PGR: variants seen among roughly 807,000 people sequenced by gnomAD.
PGR encodes the protein nuclear receptor subfamily 3 group C member 3.
Under a neutral mutation model 76.1 loss-of-function variants are expected in PGR, and 25 were observed. That is an observed-to-expected ratio of 0.33 (90% CI 0.24 to 0.46). The LOEUF is 0.46. Ranked by LOEUF, PGR falls within the 20% of genes least tolerant of loss-of-function variation. PGR has a pLI of 1.00. For missense variants in PGR, 1,172 were observed against 1,225.3 expected, an observed-to-expected ratio of 0.96 and a Z score of 0.65; for synonymous variants, 579 against 535.0, an observed-to-expected ratio of 1.08 and a Z score of -1.14.
intron 2 of PGR, among the ~76,000 whole-genome samples, chr11:101,123,396 T>C (rs1591434764): frequency 6.6e-6 from 1 of 152,202 alleles, no homozygotes; most frequent in Non-Finnish European, 1.5e-5. Context: ...CATTGCTTTA[T>C]TGAAGATTTT....
intron 2 of PGR, among the ~76,000 whole-genome samples, chr11:101,116,630 T>G (rs918866572): frequency 2.7e-5 from 4 of 150,528 alleles, no homozygotes; most frequent in African/African-American, 9.8e-5. Context: ...ATCCCAGCTA[T>G]TCGGGAGGCT....
intron 6 of PGR, among the ~76,000 whole-genome samples, chr11:101,046,292 A>ATTTTTT (rs540943297): frequency 1.8e-4 from 12 of 66,288 alleles, no homozygotes; most frequent in African/African-American, 7.5e-4. Flanking sequence ...CGCCTGGCTA[A>ATTTTTT]TTTTTTTTTT....
intron 4 of PGR, among the ~76,000 whole-genome samples, chr11:101,057,728 G>T (rs949948308): frequency 6.6e-6 from 1 of 152,078 alleles, no homozygotes; most frequent in South Asian, 2.1e-4. Flanking sequence ...ATTGGGTAAG[G>T]GGTGAAGGAG....
intron 3 of PGR, among the ~76,000 whole-genome samples, chr11:101,075,892 T>C (rs559766034): frequency 8.5e-5 from 13 of 152,306 alleles, no homozygotes; most frequent in East Asian, 1.9e-4. Context: ...AGTTCAACCA[T>C]TGTAGAAGAC....
Position 101,098,341 on chromosome 11 carries a change from T to C in PGR, c.1790-6465A>G, listed in dbSNP as rs562048591. On this transcript the variant is annotated intron_variant, in intron 2 of 7. Transcript: ENST00000325455. ...CATAGTTCACTTAGGTCTGAGAGAG[T>C]TCACAATTTTTCATGGCATTTTTGA... 2.6e-4 allele frequency among the ~76,000 whole-genome samples: 39 copies of C among 151,918 alleles called. 1 individual carries two copies. In the South Asian group the frequency reaches 5.2e-3, roughly 20 times the overall value.
At chr11:101,108,983 T>C (rs1379847718) in intron 2 of PGR, among the ~76,000 whole-genome samples, 1 of 152,220 alleles carries the variant, frequency 6.6e-6, no homozygotes, top group Non-Finnish European at 1.5e-5. Context: ...TTCATTATCA[T>C]CTCTGCTATG....
intron 6 of PGR, among the ~76,000 whole-genome samples, chr11:101,042,819 C>G (rs1179999883): frequency 6.6e-6 from 1 of 152,122 alleles, no homozygotes; most frequent in African/African-American, 2.4e-5. Flanking sequence ...TTACACTATA[C>G]TAGAATGTAT....
chr11:101,082,932 A>C (rs1861358531), intron 3 of PGR, among the ~76,000 whole-genome samples: 1 of 152,234 alleles, frequency 6.6e-6, no homozygotes, highest in Admixed American at 6.5e-5. Flanking sequence ...AGTAAAGAGG[A>C]GTCAAATGTT....
intron 6 of PGR, among the ~76,000 whole-genome samples, chr11:101,045,508 T>C (rs541513524): frequency 1.3e-5 from 2 of 152,170 alleles, no homozygotes; most frequent in South Asian, 2.1e-4. Context: ...TCTATGCCCA[T>C]GTACATGCAT....
In PGR at chr11:101,031,553, G is replaced by T; in HGVS notation, c.*7563C>A. The stretch of plus-strand genomic sequence containing the variant: ...CCCTCCTCAGCTCCAAGGCTGTGGA[G>T]GGCTCATGAAGTCACAATGTTCTAC... On this transcript the variant is annotated 3_prime_UTR_variant, in exon 8 of 8. Coordinates refer to ENST00000325455, the MANE Select transcript of PGR (RefSeq NM_000926.4). The T allele has an allele frequency of 4.4e-6, 1 of 226,814 alleles. No individual in the cohort carries two copies. The highest frequency in any genetic ancestry group is 8.8e-6 in the Non-Finnish European group (1 of 114,178). 14.1% of individuals were successfully genotyped at this position (226,814 alleles called of 1,614,324 possible).
chr11:101,081,870 G>T (rs775769581), intron 3 of PGR, among the ~76,000 whole-genome samples: 4 of 152,140 alleles, frequency 2.6e-5, no homozygotes, highest in Non-Finnish European at 5.9e-5. Context: ...AAAGCAAACA[G>T]CTAACAACTA....
chr11:101,039,352 TCTAA>T (rs1175371832), intron 7 of PGR, 81 bp from the exon 8 acceptor site: 7 of 1,039,936 alleles, frequency 6.7e-6, no homozygotes, highest in African/African-American at 4.8e-5. Flanking sequence ...AATTTATTTT[TCTAA>T]CTATTTATAA....
chr11:101,123,228 T>C (rs1862733760), intron 2 of PGR, among the ~76,000 whole-genome samples: 1 of 152,210 alleles, frequency 6.6e-6, no homozygotes, highest in Non-Finnish European at 1.5e-5. Context: ...TGCAAAGCAC[T>C]GAAATAGTCA....
At chr11:101,078,314 A>C (rs908422075) in intron 3 of PGR, among the ~76,000 whole-genome samples, 12 of 152,192 alleles carry the variant, frequency 7.9e-5, no homozygotes, top group African/African-American at 2.9e-4. Context: ...AAAACCTGTA[A>C]CTGTGGATTT....
At chr11:101,112,523 G>T (rs188867646) in intron 2 of PGR, among the ~76,000 whole-genome samples, 1 of 152,108 alleles carries the variant, frequency 6.6e-6, no homozygotes, top group Non-Finnish European at 1.5e-5. Flanking sequence ...GATGGTGGTA[G>T]CAATTTCAGA....
chr11:101,129,165 G>T lies in PGR; in HGVS notation c.-95C>A. On this transcript the variant is annotated 5_prime_UTR_variant, in exon 1 of 8. Coordinates refer to ENST00000325455, the MANE Select transcript of PGR (RefSeq NM_000926.4). ...CGGGAATATAGGGGCAGAGGGAGGAGAAAGTGGGTGTTGAATGTGGCTGGA... is the reference window on the plus strand; with the variant it reads ...CGGGAATATAGGGGCAGAGGGAGGATAAAGTGGGTGTTGAATGTGGCTGGA... 1 of 879,848 alleles carries T rather than the reference G, an allele frequency of 1.1e-6. No homozygotes were observed. The highest frequency in any genetic ancestry group is 1.5e-6 in the Non-Finnish European group (1 of 652,878). The allele number at this position is 879,848 out of a possible 1,614,324, so 54.5% of individuals were successfully genotyped here.
In PGR at chr11:101,127,966, G is replaced by T. The variant is rs1862931453; in HGVS notation, c.1105C>A (p.Pro369Thr). 2 of 1,611,930 alleles carry T rather than the reference G, an allele frequency of 1.2e-6. No homozygotes were observed. The highest frequency in any genetic ancestry group is 1.1e-5 in the South Asian group (1 of 91,078). Residue 369 changes from proline (P) to threonine (T), a missense_variant, in exon 1 of 8, where the codon CCC becomes ACC. By Grantham distance (38) the Pro-to-Thr change is conservative. This residue lies in a region of PGR where 893 missense variants were observed against 785.9 expected (regional missense o/e 1.14). Coordinates refer to ENST00000325455, the MANE Select transcript of PGR (RefSeq NM_000926.4). ...TAGAGAGGGTACGCGTCGTCCTTGG[G>T]CTCGGCGTCGGGCGGGTACGCGCAG... ...PDCAYPPDAE[P>T]KDDAYPLYSD...
Position 101,042,241 on chromosome 11 carries a change from T to C in PGR, c.2489-139A>G, listed in dbSNP as rs1859716485. The C allele has an allele frequency of 1.5e-5, 11 of 755,898 alleles. No individual in the cohort carries two copies. The South Asian group carries it at 1.7e-4, about 12-fold the overall frequency. The allele number at this position is 755,898 out of a possible 1,614,324, so 46.8% of individuals were successfully genotyped here. The stretch of plus-strand genomic sequence containing the variant: ...AAAAACACCTTATATAGGAAAGAGA[T>C]AGTGTTATTGATATCACTATCAATA... On this transcript the variant is annotated intron_variant, in intron 6 of 7. Coordinates refer to ENST00000325455, the MANE Select transcript of PGR (RefSeq NM_000926.4).
intron 2 of PGR, among the ~76,000 whole-genome samples, chr11:101,123,736 C>A (rs191283063): frequency 1.3e-5 from 2 of 152,256 alleles, no homozygotes; most frequent in East Asian, 3.9e-4. Flanking sequence ...AACCCATAAC[C>A]ACCTCGCTCT....
Sources: gnomAD v4.1 joint callset for allele counts (sites outside exome capture counted in the v4.1 genomes callset) on GRCh38, gnomAD v4.1.1 for gene constraint, gnomAD v4.1.1 regional missense constraint, MANE v1.5 for transcripts, NCBI Gene and HGNC (gene_info 2026-07-23, HGNC 2026-07-21) for gene names.